The following DIABLO variants were observed in gnomAD, a reference collection of about 807,000 sequenced individuals.
DIABLO encodes diablo IAP-binding mitochondrial protein.
DIABLO carries 32 observed loss-of-function variants against 31.7 expected under a neutral mutation model. The observed-to-expected ratio is 1.01, with a 90% CI of 0.76 to 1.35. DIABLO has a LOEUF of 1.35. Ranked by LOEUF, DIABLO falls within the 40% of genes most tolerant of loss-of-function variation. The pLI is 0.00. For synonymous variants in DIABLO, 132 were observed against 103.2 expected (o/e 1.28, Z -1.69); for missense variants, 316 against 286.4 (o/e 1.10, Z -0.75).
Position 122,213,507 on chromosome 12 carries a change from GAAAA to G in DIABLO, c.523+2977_523+2980del, listed in dbSNP as rs368276624. Among the ~76,000 whole-genome samples the G allele has an allele frequency of 4.4e-5, 6 of 136,580 alleles. No homozygotes were observed. The South Asian group carries it at 9.3e-4, about 21-fold the overall frequency. 89.6% of individuals were successfully genotyped at this position (136,580 alleles called of 152,430 possible). Reference sequence around the variant, plus strand: ...TAACAGAGTAAGACCTTGTCTCAGGGAAAAAAAAAAAAAAAATTCCGTTTACAAC... The same window carrying G: ...TAACAGAGTAAGACCTTGTCTCAGGGAAAAAAAAAAAATTCCGTTTACAAC... On this transcript the variant is annotated intron_variant, in intron 5 of 5. Coordinates refer to ENST00000464942, the MANE Select transcript of DIABLO (RefSeq NM_001371333.1).
In DIABLO at chr12:122,212,455, T is replaced by C. The variant is rs533720775; in HGVS notation, c.524-3878A>G. Among the ~76,000 whole-genome samples the C allele has an allele frequency of 1.4e-3, 212 of 151,404 alleles. 2 individuals carry two copies. The highest frequency in any genetic ancestry group is 5.0e-3 in the African/African-American group (203 of 40,696). ...CTCACTTTTTGATGGTAGTTGGCTA[T>C]ACATAAAATCCTAGGTTATGGATTT... On this transcript the variant is annotated intron_variant, in intron 5 of 5. Coordinates refer to ENST00000464942, the MANE Select transcript of DIABLO (RefSeq NM_001371333.1).
In DIABLO at chr12:122,208,172, T is replaced by C. The variant is rs767979774; in HGVS notation, c.*209A>G. ...GAGTGGGGTGAAATGTTAAACAGGG[T>C]GCAGTGCCCAAGGGCTAAGAACCAG... On this transcript the variant is annotated 3_prime_UTR_variant, in exon 6 of 6. Transcript: ENST00000464942. The C allele has an allele frequency of 1.4e-4, 98 of 705,098 alleles. No homozygotes were observed. Among genetic ancestry groups the C allele is most frequent in the Admixed American group, 1.6e-4 (8 of 49,794 alleles). The allele number at this position is 705,098 out of a possible 1,614,324, so 43.7% of individuals were successfully genotyped here. A position where few individuals can be genotyped will look rare whatever the true frequency, so the allele number is the denominator to read the frequency against.
At chr12:122,212,448 T>C (rs748404248) in intron 5 of DIABLO, among the ~76,000 whole-genome samples, 1 of 147,342 alleles carries the variant, frequency 6.8e-6, no homozygotes, top group Non-Finnish European at 1.5e-5. Flanking sequence ...TTGATGGTAG[T>C]TGGCTATACA....
chr12:122,224,471 G>T (rs565883504), intron 2 of DIABLO, 41 bp downstream of exon 2: 1 of 1,613,474 alleles, frequency 6.2e-7, no homozygotes, highest in East Asian at 2.2e-5. Flanking sequence ...ACTTCAAGAG[G>T]ACACGGTACA....
At chr12:122,223,328 G>A (rs564758500) in intron 2 of DIABLO, among the ~76,000 whole-genome samples, 3 of 151,862 alleles carry the variant, frequency 2.0e-5, no homozygotes, top group South Asian at 2.1e-4. Context: ...CCAGCTACCC[G>A]GAGGCTAAGG....
At chr12:122,209,138 T>A (rs1954016334) in intron 5 of DIABLO, among the ~76,000 whole-genome samples, 1 of 152,142 alleles carries the variant, frequency 6.6e-6, no homozygotes, top group African/African-American at 2.4e-5. Context: ...GGCAGGCAGA[T>A]CACCTGAGGG....
Position 122,218,447 on chromosome 12 carries a change from C to T in DIABLO, c.184-50G>A, listed in dbSNP as rs763642087. On this transcript the variant is annotated intron_variant, in intron 2 of 5. Transcript: ENST00000464942. ...CAACCTCTAAAGCTCAAACTGAGAA[C>T]TTTTTCACCAATAGGCAAGCAAAAA... The T allele has an allele frequency of 1.1e-5, 17 of 1,612,914 alleles. No individual in the cohort carries two copies. The African/African-American group carries it at 2.3e-4, about 22-fold the overall frequency.
intron 5 of DIABLO, among the ~76,000 whole-genome samples, chr12:122,211,850 ATGAAT>A (rs1241582574): frequency 6.6e-6 from 1 of 152,186 alleles, no homozygotes; most frequent in Non-Finnish European, 1.5e-5. Flanking sequence ...TAATGTCTTA[ATGAAT>A]TGTTCTGTCC....
intron 1 of DIABLO, chr12:122,225,502 G>A (rs561105844): frequency 2.6e-4 from 269 of 1,045,698 alleles, no homozygotes; most frequent in Non-Finnish European, 2.9e-4. Flanking sequence ...TGCCAGTTGT[G>A]TGTGACGGTC....
chr12:122,211,204 A>G (rs904870028), intron 5 of DIABLO, among the ~76,000 whole-genome samples: 10 of 150,786 alleles, frequency 6.6e-5, no homozygotes, highest in Admixed American at 4.7e-4. Flanking sequence ...GTTCGAGACT[A>G]GCCTGGGCAA....
rs1392736116 is a variant in DIABLO at position 122,208,360 on chromosome 12, CAG to C, written c.*19_*20del. On this transcript the variant is annotated 3_prime_UTR_variant, in exon 6 of 6. Coordinates refer to ENST00000464942, the MANE Select transcript of DIABLO (RefSeq NM_001371333.1). ...CTGCTTTCCCCACTGAGTGGGGAGA[CAG>C]GGCAGTGTGCTCAGGCCCTCAATCC... 8 of 1,610,638 alleles carry C rather than the reference CAG, an allele frequency of 5.0e-6. No homozygotes were observed. The highest frequency in any genetic ancestry group is 5.9e-6 in the Non-Finnish European group (7 of 1,179,854).
chr12:122,225,759 A>T, intron 1 of DIABLO: 1 of 1,439,098 alleles, frequency 6.9e-7, no homozygotes, highest in Non-Finnish European at 9.1e-7. Flanking sequence ...TAGAAGATGG[A>T]CGAACTGAAA....
intron 2 of DIABLO, chr12:122,220,690 A>AACAAAC (rs1954315814): frequency 6.6e-6 from 1 of 151,774 alleles, no homozygotes; most frequent in African/African-American, 2.4e-5. Flanking sequence ...CAAAAACAAA[A>AACAAAC]AATCAATCAC....
chr12:122,215,882 GGAAAAA>G (rs1354817895), intron 5 of DIABLO, among the ~76,000 whole-genome samples: 4 of 20,900 alleles, frequency 1.9e-4, no homozygotes, highest in Admixed American at 8.1e-4. Flanking sequence ...ATTTTATGAA[GGAAAAA>G]AAAAAAAAAA....
intron 5 of DIABLO, among the ~76,000 whole-genome samples, chr12:122,211,865 C>CTACT (rs1349019875): frequency 6.6e-6 from 1 of 152,076 alleles, no homozygotes; most frequent in East Asian, 1.9e-4. Context: ...TTGTTCTGTC[C>CTACT]TACTGATTAC....
At position 122,218,296 on chromosome 12, in the gene DIABLO, C is replaced by T. The variant is rs144568281; in HGVS notation, c.285G>A (p.Ala95=). 2.4e-4 allele frequency: 383 copies of T among 1,614,060 alleles called. 3 individuals carry two copies. The South Asian group carries it at 2.7e-3, about 11-fold the overall frequency. Residue 95 remains alanine (A), a synonymous_variant, in exon 3 of 6, where the codon GCG becomes GCA. Coordinates refer to ENST00000464942, the MANE Select transcript of DIABLO (RefSeq NM_001371333.1). The stretch of plus-strand genomic sequence containing the variant: ...TATATTCAGTAATAGCTTCAATCAA[C>T]GCATATGTGGTCTGAGAGAGAAAGG... ...TSTFLSQTTY[A]LIEAITEYTK...
chr12:122,223,881 G>A (rs547200851), intron 2 of DIABLO, among the ~76,000 whole-genome samples: 5 of 152,160 alleles, frequency 3.3e-5, no homozygotes, highest in Non-Finnish European at 5.9e-5. Flanking sequence ...GCTCACTGCA[G>A]CCTCAAACTC....
At chr12:122,212,433 A>C (rs1954108188) in intron 5 of DIABLO, among the ~76,000 whole-genome samples, 1 of 150,022 alleles carries the variant, frequency 6.7e-6, no homozygotes, top group Non-Finnish European at 1.5e-5. Flanking sequence ...TTTTATTCTC[A>C]CTTTTTGATG....
intron 1 of DIABLO, 66 bp downstream of exon 1, chr12:122,225,899 G>A: frequency 6.5e-7 from 1 of 1,548,090 alleles, no homozygotes; most frequent in Non-Finnish European, 8.7e-7. Context: ...CGTGGGCCGG[G>A]CCACAGCGCT....
Sources: allele counts gnomAD v4.1 joint callset (sites outside exome capture counted in the v4.1 genomes callset), GRCh38; gene constraint gnomAD v4.1.1; transcripts MANE v1.5; gene names NCBI Gene and HGNC (gene_info 2026-07-23, HGNC 2026-07-21).